ABCA13: variants seen among roughly 807,000 people sequenced by gnomAD.
ABCA13 encodes ATP binding cassette subfamily A member 13.
In ABCA13, 476 loss-of-function variants were observed where a neutral mutation model predicts 478.7. The observed-to-expected ratio is 0.99, with a 90% CI of 0.92 to 1.07. The LOEUF is 1.07. ABCA13 is among the 50% of genes least tolerant of loss of function. The probability of loss-of-function intolerance (pLI) is 0.00; values close to 1 mark genes in which losing one functional copy is unlikely to be tolerated. For synonymous variants in ABCA13, 2,252 were observed against 2,158.9 expected (o/e 1.04, Z -1.20); for missense variants, 6,060 against 5,910.6 (o/e 1.03, Z -0.83).
chr7:48,519,585 G>A lies in ABCA13; in HGVS notation c.13798-456G>A, dbSNP rs544626568. 2.0e-3 allele frequency among the ~76,000 whole-genome samples: 299 copies of A among 152,266 alleles called. 1 individual carries two copies. The highest frequency in any genetic ancestry group is 7.0e-3 in the African/African-American group (290 of 41,558). On this transcript the variant is annotated intron_variant, in intron 52 of 61. Transcript: ENST00000435803. ...CTCCCTGTTGGAGCGAGGGGGATGT[G>A]GGGGAGCAAAAACTCATGTTTTCTA...
chr7:48,593,687 G>T (rs187272201), intron 57 of ABCA13, among the ~76,000 whole-genome samples: 3 of 149,360 alleles, frequency 2.0e-5, no homozygotes, highest in East Asian at 3.9e-4. Context: ...TATAAGACAG[G>T]TATTGTGTCA....
At chr7:48,430,503 G>A (rs930104784) in intron 42 of ABCA13, among the ~76,000 whole-genome samples, 2 of 151,912 alleles carry the variant, frequency 1.3e-5, no homozygotes, top group African/African-American at 2.4e-5. Context: ...GTGAAACCCC[G>A]TCTCCACTAA....
intron 16 of ABCA13, among the ~76,000 whole-genome samples, chr7:48,270,444 A>G (rs1795446649): frequency 6.6e-6 from 1 of 152,128 alleles, no homozygotes; most frequent in Admixed American, 6.5e-5. Context: ...GCTACTCCAT[A>G]ACCCTCTCAG....
chr7:48,642,534 A>G (rs1242027108), intron 59 of ABCA13, among the ~76,000 whole-genome samples: 5 of 152,208 alleles, frequency 3.3e-5, no homozygotes, highest in African/African-American at 1.2e-4. Flanking sequence ...TAGTCATCAG[A>G]GTATATTCAT....
intron 43 of ABCA13, among the ~76,000 whole-genome samples, chr7:48,459,510 T>C (rs1464542342): frequency 6.6e-6 from 1 of 152,158 alleles, no homozygotes; most frequent in African/African-American, 2.4e-5. Flanking sequence ...ATAAGAATAC[T>C]TCAAAACCCG....
At chr7:48,425,591 A>G (rs1055918231) in intron 41 of ABCA13, among the ~76,000 whole-genome samples, 2 of 152,190 alleles carry the variant, frequency 1.3e-5, no homozygotes, top group Non-Finnish European at 2.9e-5. Context: ...GAAACATAGC[A>G]CATACACCCT....
chr7:48,639,796 T>C (rs1035071547), intron 59 of ABCA13, among the ~76,000 whole-genome samples: 1 of 152,216 alleles, frequency 6.6e-6, no homozygotes, highest in African/African-American at 2.4e-5. Context: ...TGCGTTTAAT[T>C]TTTAGAGGCA....
chr7:48,214,203 A>T (rs1176788581), intron 3 of ABCA13, among the ~76,000 whole-genome samples: 1 of 152,210 alleles, frequency 6.6e-6, no homozygotes, highest in Non-Finnish European at 1.5e-5. Context: ...TATTTTGAAA[A>T]CAACATTTTT....
intron 20 of ABCA13, among the ~76,000 whole-genome samples, chr7:48,288,789 A>G (rs933260841): frequency 4.6e-5 from 7 of 152,184 alleles, no homozygotes; most frequent in East Asian, 1.9e-4. Context: ...CACATGCCCA[A>G]TAGGCTCCCA....
intron 29 of ABCA13, among the ~76,000 whole-genome samples, chr7:48,347,813 G>T (rs1046892950): frequency 1.3e-5 from 2 of 152,216 alleles, no homozygotes; most frequent in African/African-American, 2.4e-5. Flanking sequence ...TTTATATAGT[G>T]TATTAATAAC....
intron 59 of ABCA13, among the ~76,000 whole-genome samples, chr7:48,632,553 C>A (rs1794255564): frequency 6.6e-6 from 1 of 152,102 alleles, no homozygotes; most frequent in Admixed American, 6.6e-5. Context: ...TTAGCACTTA[C>A]ATTTAAGTCT....
intron 40 of ABCA13, 146 bp downstream of exon 40, chr7:48,410,823 C>A: frequency 8.4e-7 from 1 of 1,193,852 alleles, no homozygotes; most frequent in Non-Finnish European, 1.2e-6. Context: ...TGGCCCCAGG[C>A]CTGTGCAGGG....
chr7:48,320,105 C>T (rs768551426), intron 27 of ABCA13, among the ~76,000 whole-genome samples: 1 of 152,102 alleles, frequency 6.6e-6, no homozygotes, highest in South Asian at 2.1e-4. Flanking sequence ...AAAAGGTAAA[C>T]TTAGGGACAT....
intron 31 of ABCA13, among the ~76,000 whole-genome samples, chr7:48,367,162 T>A (rs1416871886): frequency 6.6e-6 from 1 of 152,086 alleles, no homozygotes; most frequent in Non-Finnish European, 1.5e-5. Context: ...TGGGAGTTGT[T>A]CTGGAAGCTA....
In ABCA13 at chr7:48,273,706, C is replaced by T. The variant is rs936754171; in HGVS notation, c.4040C>T (p.Ala1347Val). ...CATGATCGAGATTTGTTTTCCTGTGCTGATATTTTCCAAAATGTTACTGAG... is the reference window on the plus strand; with the variant it reads ...CATGATCGAGATTTGTTTTCCTGTGTTGATATTTTCCAAAATGTTACTGAG... Reference protein sequence around the residue: ...VSHDRDLFSCADIFQNVTECI... With the variant: ...VSHDRDLFSCVDIFQNVTECI... The change falls in exon 17 of 62, where the codon GCT becomes GTT. Residue 1347 changes from alanine (A) to valine (V), a missense_variant. Coordinates refer to ENST00000435803, the MANE Select transcript of ABCA13 (RefSeq NM_152701.5). 6.2e-7 allele frequency: 1 copy of T among 1,608,166 alleles called. No homozygotes were observed. Among genetic ancestry groups the T allele is most frequent in the African/African-American group, 1.3e-5 (1 of 74,830 alleles).
intron 42 of ABCA13, among the ~76,000 whole-genome samples, chr7:48,438,608 T>A (rs113779997): frequency 6.8e-6 from 1 of 146,744 alleles, no homozygotes; most frequent in Non-Finnish European, 1.5e-5. Flanking sequence ...ATAGCTTTTC[T>A]TGACTTTTGC....
At chr7:48,612,866 TA>T (rs1451187740) in intron 58 of ABCA13, among the ~76,000 whole-genome samples, 3 of 141,986 alleles carry the variant, frequency 2.1e-5, no homozygotes, top group African/African-American at 8.3e-5. Context: ...ACTTTCTGGG[TA>T]TTTTTTTTTT....
intron 41 of ABCA13, among the ~76,000 whole-genome samples, chr7:48,414,788 A>T (rs1462967642): frequency 6.6e-6 from 1 of 152,102 alleles, no homozygotes; most frequent in Non-Finnish European, 1.5e-5. Flanking sequence ...GATCTTTAAA[A>T]TGGAAAAATC....
chr7:48,555,280 T>A (rs1785695107), intron 55 of ABCA13, among the ~76,000 whole-genome samples: 1 of 151,954 alleles, frequency 6.6e-6, no homozygotes, highest in African/African-American at 2.4e-5. Context: ...TCAGAGATAT[T>A]GGCACATAGT....
Sources: gnomAD v4.1 joint callset for allele counts (sites outside exome capture counted in the v4.1 genomes callset) on GRCh38, gnomAD v4.1.1 for gene constraint, MANE v1.5 for transcripts, NCBI Gene and HGNC (gene_info 2026-07-23, HGNC 2026-07-21) for gene names.